Variants in CNTNAP3 observed in about 807,000 individuals in gnomAD.
CNTNAP3 encodes the protein contactin-associated protein-like 3.
In CNTNAP3, 36 loss-of-function variants were observed where a neutral mutation model predicts 92.1. That is an observed-to-expected ratio of 0.39 (90% CI 0.30 to 0.52). CNTNAP3 has a LOEUF of 0.52. CNTNAP3 is among the 20% of genes least tolerant of loss of function. The pLI is 0.76. For missense variants in CNTNAP3, 534 were observed against 1,069.6 expected (o/e 0.50, Z 6.98); for synonymous variants, 232 against 422.3 (o/e 0.55, Z 5.53).
intron 3 of CNTNAP3, among the ~76,000 whole-genome samples, chr9:39,209,671 C>T (rs1822598127): frequency 7.1e-5 from 2 of 28,134 alleles, no homozygotes; most frequent in African/African-American, 2.2e-4. Context: ...TTCCCCCCTC[C>T]CCCCTTCTGC....
chr9:39,114,033 T>TACAC (rs765204575), intron 14 of CNTNAP3, among the ~76,000 whole-genome samples: 31 of 143,482 alleles, frequency 2.2e-4, no homozygotes, highest in Admixed American at 6.1e-4. Flanking sequence ...TACACACATA[T>TACAC]ATACACACAC....
In CNTNAP3 at chr9:39,110,191, T is replaced by C. The variant is rs536257635; in HGVS notation, c.2238-904A>G. Reference sequence around the variant, plus strand: ...TGGGCAGATTGCTTGAGCTCTGGAGTTCGAAACCAGCCTGGGCAACATAGT... The same window carrying C: ...TGGGCAGATTGCTTGAGCTCTGGAGCTCGAAACCAGCCTGGGCAACATAGT... On this transcript the variant is annotated intron_variant, in intron 14 of 23. Coordinates refer to ENST00000297668, the MANE Select transcript of CNTNAP3 (RefSeq NM_033655.5). Among the ~76,000 whole-genome samples the C allele has an allele frequency of 1.8e-4, 27 of 151,728 alleles. No individual in the cohort carries two copies. In the East Asian group the frequency reaches 3.9e-3, roughly 22 times the overall value.
chr9:39,088,307 G>A, intron 19 of CNTNAP3, 116 bp downstream of exon 19: 2 of 911,140 alleles, frequency 2.2e-6, no homozygotes, highest in South Asian at 1.5e-5. Context: ...AAACCCATTG[G>A]AGGGCATACA....
At chr9:39,132,783 A>G in intron 13 of CNTNAP3, 149 bp downstream of exon 13, 1 of 956,970 alleles carries the variant, frequency 1.0e-6, no homozygotes, top group Non-Finnish European at 1.5e-6. Flanking sequence ...GGTCCAACCA[A>G]GAGCGGGAAG....
intron 10 of CNTNAP3, among the ~76,000 whole-genome samples, chr9:39,148,005 G>C (rs1264557113): frequency 6.6e-6 from 1 of 152,140 alleles, no homozygotes; most frequent in Non-Finnish European, 1.5e-5. Context: ...CACTCACAGT[G>C]TGGGCCCATG....
chr9:39,271,603 AC>A lies in CNTNAP3; in HGVS notation c.86-4598del, dbSNP rs1451517903. Among the ~76,000 whole-genome samples the A allele has an allele frequency of 2.0e-3, 30 of 15,020 alleles. 5 individuals carry two copies. The highest frequency in any genetic ancestry group is 3.9e-3 in the African/African-American group (30 of 7,712). 9.9% of individuals were successfully genotyped at this position (15,020 alleles called of 152,430 possible). On this transcript the variant is annotated intron_variant, in intron 1 of 23. Coordinates refer to ENST00000297668, the MANE Select transcript of CNTNAP3 (RefSeq NM_033655.5). The stretch of plus-strand genomic sequence containing the variant: ...ACATGACAGACAATTCCTACAGTCT[AC>A]CTGTGGGAACAGATGAGGCCTGGAA...
At position 39,086,758 on chromosome 9, in the gene CNTNAP3, G is replaced by A. The variant is rs146610751; in HGVS notation, c.3312C>T (p.His1104=). ...DFKNMADGQL[H]QVKINREEAV... ...CTTCTTCTCTGTTAATCTTCACTTG[G>A]TGAAGTTGCCCATCAGCCATGTTTT... The change falls in exon 20 of 24, where the codon CAC becomes CAT. Residue 1104 remains histidine (H), a synonymous_variant. Coordinates refer to ENST00000297668, the MANE Select transcript of CNTNAP3 (RefSeq NM_033655.5). The A allele has an allele frequency of 4.7e-5, 76 of 1,610,684 alleles. No individual in the cohort carries two copies. Among genetic ancestry groups the A allele is most frequent in the Non-Finnish European group, 6.2e-5 (73 of 1,179,584 alleles).
chr9:39,104,480 A>ACACACG (rs1292188807), intron 15 of CNTNAP3, among the ~76,000 whole-genome samples: 3 of 86,676 alleles, frequency 3.5e-5, no homozygotes, highest in Admixed American at 1.2e-4. Flanking sequence ...ATACACATAC[A>ACACACG]CACACACACA....
At chr9:39,079,858 T>C (rs1235121844) in intron 21 of CNTNAP3, among the ~76,000 whole-genome samples, 4 of 136,162 alleles carry the variant, frequency 2.9e-5, no homozygotes, top group African/African-American at 8.8e-5. Flanking sequence ...AGATGAGCGA[T>C]TGCATGGTTC....
chr9:39,148,994 T>C (rs1056936160), intron 10 of CNTNAP3, among the ~76,000 whole-genome samples: 5 of 152,180 alleles, frequency 3.3e-5, no homozygotes, highest in Admixed American at 3.3e-4. Context: ...AGCATAACTG[T>C]GGTTGTAATA....
At chr9:39,106,068 C>T (rs1170354198) in intron 15 of CNTNAP3, among the ~76,000 whole-genome samples, 1 of 152,178 alleles carries the variant, frequency 6.6e-6, no homozygotes. Context: ...CATATTTGCT[C>T]ATTCCCCAGT....
chr9:39,113,107 C>A lies in CNTNAP3; in HGVS notation c.2238-3820G>T, dbSNP rs563009544. On this transcript the variant is annotated intron_variant, in intron 14 of 23. Transcript: ENST00000297668. ...GTCCTGTGCACTGTAGGATGCTTAG[C>A]AGCACCCTGATTTCTAATTAATAGA... Among the ~76,000 whole-genome samples the A allele has an allele frequency of 1.5e-3, 231 of 152,148 alleles. 1 individual carries two copies. The highest frequency in any genetic ancestry group is 5.4e-3 in the African/African-American group (226 of 41,508).
At chr9:39,134,572 A>G (rs778662158) in intron 12 of CNTNAP3, among the ~76,000 whole-genome samples, 3 of 151,912 alleles carry the variant, frequency 2.0e-5, no homozygotes, top group Non-Finnish European at 2.9e-5. Context: ...CTACAGGCAC[A>G]CACCACCACA....
chr9:39,084,960 A>T (rs1436197375), intron 21 of CNTNAP3: 1 of 143,288 alleles, frequency 7.0e-6, no homozygotes, highest in Non-Finnish European at 1.5e-5. Flanking sequence ...GAAAACATTA[A>T]CACCTTCAAT....
intron 12 of CNTNAP3, among the ~76,000 whole-genome samples, chr9:39,139,154 A>G (rs1821509890): frequency 1.3e-5 from 2 of 152,172 alleles, no homozygotes; most frequent in South Asian, 4.1e-4. Context: ...AAAAGAGACC[A>G]GAGTTTAGTG....
At chr9:39,139,602 A>G (rs959030380) in intron 12 of CNTNAP3, 1 of 152,204 alleles carries the variant, frequency 6.6e-6, no homozygotes, top group Non-Finnish European at 1.5e-5. Flanking sequence ...TTGTCAGCAC[A>G]ATAAATGAGA....
At chr9:39,148,746 C>G (rs564897684) in intron 10 of CNTNAP3, among the ~76,000 whole-genome samples, 2 of 152,178 alleles carry the variant, frequency 1.3e-5, no homozygotes, top group South Asian at 2.1e-4. Context: ...AGGATGGTCT[C>G]GATCTCCTGA....
intron 14 of CNTNAP3, among the ~76,000 whole-genome samples, chr9:39,110,530 A>G (rs2778199): frequency 5.9e-5 from 9 of 152,092 alleles, no homozygotes; most frequent in Non-Finnish European, 1.0e-4. Context: ...CACACAGCCT[A>G]TTGAATACCA....
intron 21 of CNTNAP3, among the ~76,000 whole-genome samples, chr9:39,080,532 G>T (rs1825908619): frequency 7.3e-6 from 1 of 137,684 alleles, no homozygotes; most frequent in Admixed American, 7.1e-5. Flanking sequence ...TATACCTATT[G>T]CCATAGTCCT....
Sources: gnomAD v4.1 joint callset for allele counts (sites outside exome capture counted in the v4.1 genomes callset) on GRCh38, gnomAD v4.1.1 for gene constraint, MANE v1.5 for transcripts, NCBI Gene and HGNC (gene_info 2026-07-23, HGNC 2026-07-21) for gene names.